Variants in ARID1B observed in about 807,000 individuals in gnomAD.
The protein encoded by ARID1B is AT-rich interactive domain-containing protein 1B.
In ARID1B, 30 loss-of-function variants were observed where a neutral mutation model predicts 212.3. That is an observed-to-expected ratio of 0.14 (90% CI 0.11 to 0.19). The LOEUF (loss-of-function observed/expected upper bound fraction) is 0.19, where lower values mean the gene tolerates loss of function less well. ARID1B is among the 10% of genes least tolerant of loss of function. The probability of loss-of-function intolerance (pLI) is 1.00; values close to 1 mark genes in which losing one functional copy is unlikely to be tolerated. For missense variants in ARID1B, 2,891 were observed against 3,204.0 expected, an observed-to-expected ratio of 0.90 and a Z score of 2.36; for synonymous variants, 1,402 against 1,301.7, an observed-to-expected ratio of 1.08 and a Z score of -1.66.
intron 2 of ARID1B, among the ~76,000 whole-genome samples, chr6:156,860,213 G>C (rs1284941333): frequency 6.6e-6 from 1 of 152,138 alleles, no homozygotes; most frequent in African/African-American, 2.4e-5. Flanking sequence ...ACTTTTTGAA[G>C]TCAGTATAGC....
intron 4 of ARID1B, among the ~76,000 whole-genome samples, chr6:157,066,156 G>A (rs4275072): frequency 6.6e-6 from 1 of 152,210 alleles, no homozygotes; most frequent in Admixed American, 6.5e-5. Flanking sequence ...TTTGTGTGAA[G>A]AAAACACAAA....
rs528676908 is a variant in ARID1B at position 156,947,099 on chromosome 6, C to CT, written c.2247+11524dup. Among the ~76,000 whole-genome samples the CT allele has an allele frequency of 3.7e-4, 56 of 152,284 alleles. No homozygotes were observed. In the East Asian group the frequency reaches 0.011, roughly 29 times the overall value. On this transcript the variant is annotated intron_variant, in intron 4 of 19. Coordinates refer to ENST00000636930, the MANE Select transcript of ARID1B (RefSeq NM_001374828.1). ...CATCCCAGAGTGTCTCTAACTGTAA[C>CT]TGGGACTAGGGCAAGAGCACAGTCC...
chr6:156,890,979 C>G (rs1157525937), intron 2 of ARID1B, among the ~76,000 whole-genome samples: 1 of 152,104 alleles, frequency 6.6e-6, no homozygotes, highest in Admixed American at 6.6e-5. Context: ...GAAAAGGCAC[C>G]TAAGCTGTTT....
chr6:156,814,727 G>T (rs981325682), intron 1 of ARID1B, among the ~76,000 whole-genome samples: 4 of 152,188 alleles, frequency 2.6e-5, no homozygotes, highest in African/African-American at 9.7e-5. Flanking sequence ...GTAAAGAAAA[G>T]TAGAATCTTT....
chr6:156,780,175 A>G (rs1200454001), intron 1 of ARID1B, among the ~76,000 whole-genome samples: 2 of 152,326 alleles, frequency 1.3e-5, no homozygotes, highest in East Asian at 1.9e-4. Flanking sequence ...AGGGAAATCC[A>G]TTATTGGGCT....
chr6:157,016,692 C>G (rs1779940932), intron 4 of ARID1B, among the ~76,000 whole-genome samples: 1 of 152,186 alleles, frequency 6.6e-6, no homozygotes, highest in Non-Finnish European at 1.5e-5. Flanking sequence ...CCCGCCTGTG[C>G]TCTGCAGGGA....
At chr6:156,906,732 A>G (rs1246009147) in intron 3 of ARID1B, among the ~76,000 whole-genome samples, 1 of 151,754 alleles carries the variant, frequency 6.6e-6, no homozygotes, top group Non-Finnish European at 1.5e-5. Flanking sequence ...GCCTTTGCCC[A>G]TTTCCACTCC....
At chr6:157,038,499 C>G (rs1242396270) in intron 4 of ARID1B, among the ~76,000 whole-genome samples, 1 of 152,088 alleles carries the variant, frequency 6.6e-6, no homozygotes, top group Non-Finnish European at 1.5e-5. Flanking sequence ...ATTTTACATT[C>G]ATAAATATAT....
intron 4 of ARID1B, among the ~76,000 whole-genome samples, chr6:156,983,892 C>T (rs1237355711): frequency 6.6e-6 from 1 of 152,086 alleles, no homozygotes; most frequent in African/African-American, 2.4e-5. Flanking sequence ...TCTAGTTACC[C>T]GATTTCCTGC....
chr6:156,985,358 A>C (rs1029276839), intron 4 of ARID1B: 1 of 152,274 alleles, frequency 6.6e-6, no homozygotes, highest in African/African-American at 2.4e-5. Context: ...TGTGTATAAA[A>C]TGTAAAGGAA....
chr6:157,008,019 G>A (rs751450043), intron 4 of ARID1B, among the ~76,000 whole-genome samples: 1 of 152,172 alleles, frequency 6.6e-6, no homozygotes, highest in Non-Finnish European at 1.5e-5. Context: ...TTTAAATTAA[G>A]CAAAGAGCTT....
intron 4 of ARID1B, among the ~76,000 whole-genome samples, chr6:156,951,198 A>G (rs1793559277): frequency 6.6e-6 from 1 of 152,196 alleles, no homozygotes; most frequent in Non-Finnish European, 1.5e-5. Context: ...TATAGAATTT[A>G]TAACCCTTGT....
At chr6:156,936,489 CCTT>C (rs1792234265) in intron 4 of ARID1B, 1 of 151,154 alleles carries the variant, frequency 6.6e-6, no homozygotes, top group Non-Finnish European at 1.5e-5. Flanking sequence ...ACTTAATTTG[CCTT>C]CTTTTATAGA....
chr6:157,177,145 C>G (rs1343819776), intron 11 of ARID1B, among the ~76,000 whole-genome samples: 5 of 152,134 alleles, frequency 3.3e-5, no homozygotes, highest in African/African-American at 9.7e-5. Context: ...TATATGATCT[C>G]TTCCTGTACC....
At chr6:156,835,714 C>T (rs561640383) in intron 2 of ARID1B, among the ~76,000 whole-genome samples, 1 of 152,166 alleles carries the variant, frequency 6.6e-6, no homozygotes, top group South Asian at 2.1e-4. Context: ...TTCTATTTTA[C>T]TTTTGAGATG....
intron 4 of ARID1B, among the ~76,000 whole-genome samples, chr6:156,959,937 T>A (rs1350168250): frequency 6.8e-6 from 1 of 147,994 alleles, no homozygotes; most frequent in East Asian, 2.0e-4. Flanking sequence ...TTTTTTTTTT[T>A]TTTTTTTTCT....
In ARID1B at chr6:157,161,196, G is replaced by A. The variant is rs188584712; in HGVS notation, c.3090-5844G>A. Among the ~76,000 whole-genome samples the A allele has an allele frequency of 3.4e-4, 51 of 152,106 alleles. 1 individual carries two copies. The highest frequency in any genetic ancestry group is 1.1e-3 in the African/African-American group (44 of 41,484). On this transcript the variant is annotated intron_variant, in intron 8 of 19. Transcript: ENST00000636930. ...AGCATATGGTTATATACTTTTACACGAATCTACATTTTTAAATAAAGGCAC... is the reference window on the plus strand; with the variant it reads ...AGCATATGGTTATATACTTTTACACAAATCTACATTTTTAAATAAAGGCAC...
chr6:156,922,470 C>T (rs1179695289), intron 3 of ARID1B, among the ~76,000 whole-genome samples: 3 of 152,140 alleles, frequency 2.0e-5, no homozygotes, highest in African/African-American at 7.2e-5. Context: ...CCATGCCTGG[C>T]CTAGGTAGCT....
At chr6:157,176,451 C>T (rs1045898360) in intron 11 of ARID1B, among the ~76,000 whole-genome samples, 4 of 152,160 alleles carry the variant, frequency 2.6e-5, no homozygotes, top group Admixed American at 6.5e-5. Context: ...GTAATGCTCT[C>T]AAGTTAACAG....
Sources: allele counts gnomAD v4.1 joint callset (sites outside exome capture counted in the v4.1 genomes callset), GRCh38; gene constraint gnomAD v4.1.1; transcripts MANE v1.5; gene names NCBI Gene and HGNC (gene_info 2026-07-23, HGNC 2026-07-21).